Variants in CLYBL observed in about 807,000 individuals in gnomAD.
CLYBL encodes citramalyl-CoA lyase.
A neutral mutation model predicts 38.9 loss-of-function variants in CLYBL; 31 were observed. The ratio of observed to expected loss-of-function variants is 0.80; its 90% CI spans 0.60 to 1.08. The LOEUF is 1.08. Ranked by LOEUF, CLYBL falls within the 50% of genes least tolerant of loss-of-function variation. The pLI is 0.00. For synonymous variants in CLYBL, 171 were observed against 158.6 expected (o/e 1.08, Z -0.59); for missense variants, 434 against 411.6 (o/e 1.05, Z -0.47).
chr13:99,908,713 G>A (rs2052721477), exon 10 of CLYBL, among the ~76,000 whole-genome samples: 1 of 152,180 alleles, frequency 6.6e-6, no homozygotes, highest in South Asian at 2.1e-4. Context: ...CCAATTTAAA[G>A]AATATCAACA....
At chr13:99,813,074 A>G (rs992438990) in intron 2 of CLYBL, among the ~76,000 whole-genome samples, 1 of 152,220 alleles carries the variant, frequency 6.6e-6, no homozygotes, top group Non-Finnish European at 1.5e-5. Flanking sequence ...TGGAATAGTT[A>G]GAAACACCAT....
intron 1 of CLYBL, among the ~76,000 whole-genome samples, chr13:99,637,832 G>A (rs1275331287): frequency 2.6e-5 from 4 of 151,982 alleles, no homozygotes; most frequent in African/African-American, 9.7e-5. Flanking sequence ...GTGTGTATCC[G>A]TATACATACA....
At chr13:99,720,464 C>T (rs969684076) in intron 1 of CLYBL, among the ~76,000 whole-genome samples, 2 of 152,272 alleles carry the variant, frequency 1.3e-5, no homozygotes, top group African/African-American at 4.8e-5. Flanking sequence ...TTACTCTCTG[C>T]TCACCATCGC....
intron 2 of CLYBL, among the ~76,000 whole-genome samples, chr13:99,839,381 C>T (rs1462467847): frequency 6.6e-6 from 1 of 152,224 alleles, no homozygotes; most frequent in Non-Finnish European, 1.5e-5. Flanking sequence ...TGTGTTTACA[C>T]AGAAACAGAT....
At chr13:99,893,617 G>A (rs1246004901), downstream of CLYBL, 1 of 152,382 alleles carries the variant, frequency 6.6e-6, no homozygotes, top group East Asian at 1.9e-4. Flanking sequence ...ATCCAAAGAA[G>A]CCCTTGGCTT....
chr13:99,767,029 C>T (rs558601653), intron 1 of CLYBL, among the ~76,000 whole-genome samples: 2 of 152,288 alleles, frequency 1.3e-5, no homozygotes, highest in South Asian at 4.2e-4. Flanking sequence ...GCGATGCTTC[C>T]CATGGATTAA....
Position 99,793,929 on chromosome 13 carries a change from A to G in CLYBL, c.249+20919A>G, listed in dbSNP as rs540204533. Among the ~76,000 whole-genome samples, 81 of 152,234 alleles carry G rather than the reference A, an allele frequency of 5.3e-4. 1 individual carries two copies. The highest frequency in any genetic ancestry group is 9.4e-4 in the Non-Finnish European group (64 of 68,008). On this transcript the variant is annotated intron_variant, in intron 2 of 8. Coordinates refer to ENST00000339105, the MANE Select transcript of CLYBL (RefSeq NM_206808.5). ...AAGAAAATGCAGCTTAAATGATTCA[A>G]AGCTTTATAAATGTGGAAACTGCAT...
At chr13:99,755,832 G>C (rs2049053353) in intron 1 of CLYBL, among the ~76,000 whole-genome samples, 2 of 152,154 alleles carry the variant, frequency 1.3e-5, no homozygotes, top group South Asian at 4.1e-4. Context: ...GAGTAGACCA[G>C]GCAGAACCTT....
chr13:99,649,377 G>T (rs889038619), intron 1 of CLYBL, among the ~76,000 whole-genome samples: 11 of 152,154 alleles, frequency 7.2e-5, no homozygotes, highest in Non-Finnish European at 1.3e-4. Context: ...TCATATACTG[G>T]TGCAGGTGCA....
chr13:99,860,401 G>A lies in CLYBL; in HGVS notation c.438+1352G>A, dbSNP rs546040270. Among the ~76,000 whole-genome samples the A allele has an allele frequency of 6.0e-4, 91 of 152,168 alleles. 1 individual carries two copies. In the South Asian group the frequency reaches 8.7e-3, roughly 15 times the overall value. ...AGCTCTGTGTTGGATCCTTCTTGAA[G>A]ACCCGTATTCAAGGACCAGTTATTT... On this transcript the variant is annotated intron_variant, in intron 3 of 8. Transcript: ENST00000339105.
At chr13:99,679,293 CA>C (rs748632092) in intron 1 of CLYBL, among the ~76,000 whole-genome samples, 59 of 35,800 alleles carry the variant, frequency 1.6e-3, no homozygotes, top group Middle Eastern at 9.8e-3. Context: ...GACTCCGACT[CA>C]AAAAAAAAAA....
intron 1 of CLYBL, among the ~76,000 whole-genome samples, chr13:99,756,657 A>G (rs1275266519): frequency 6.6e-6 from 1 of 152,120 alleles, no homozygotes; most frequent in Non-Finnish European, 1.5e-5. Flanking sequence ...AGTGTATTTT[A>G]TGTGGAGCCA....
chr13:99,832,692 A>G (rs2050829471), intron 2 of CLYBL, among the ~76,000 whole-genome samples: 1 of 152,088 alleles, frequency 6.6e-6, no homozygotes, highest in Non-Finnish European at 1.5e-5. Context: ...CTGGCCATTT[A>G]CCACTTGTCA....
chr13:99,730,404 C>T (rs561620141), intron 1 of CLYBL, among the ~76,000 whole-genome samples: 8 of 152,318 alleles, frequency 5.3e-5, no homozygotes, highest in African/African-American at 1.4e-4. Context: ...GTGGCTGGAG[C>T]GAGTCACGGG....
At chr13:99,820,120 G>A (rs931264540) in intron 2 of CLYBL, among the ~76,000 whole-genome samples, 1 of 152,120 alleles carries the variant, frequency 6.6e-6, no homozygotes, top group African/African-American at 2.4e-5. Flanking sequence ...GCTGTGTCTC[G>A]CGGAGGCTGC....
chr13:99,650,810 C>T (rs148273626), intron 1 of CLYBL, among the ~76,000 whole-genome samples: 245 of 152,278 alleles, frequency 1.6e-3, no homozygotes, highest in African/African-American at 5.7e-3. Context: ...TGAACACAGA[C>T]GTCATTGCGC....
chr13:99,793,442 A>G (rs2049959438), intron 2 of CLYBL, among the ~76,000 whole-genome samples: 1 of 152,316 alleles, frequency 6.6e-6, no homozygotes, highest in South Asian at 2.1e-4. Context: ...GAACTCTGCA[A>G]GGTCTTTTTG....
downstream of CLYBL, among the ~76,000 whole-genome samples, chr13:99,901,637 ATTTTTTTGTTT>A (rs1230626720): frequency 7.6e-5 from 5 of 65,530 alleles, no homozygotes; most frequent in African/African-American, 2.8e-4. Context: ...GGTTTTTTGG[ATTTTTTTGTTT>A]TTTTTTTTTG....
intron 1 of CLYBL, among the ~76,000 whole-genome samples, chr13:99,767,777 G>T (rs1454375704): frequency 1.3e-5 from 2 of 152,140 alleles, no homozygotes; most frequent in East Asian, 3.9e-4. Context: ...GTACTTTTCA[G>T]TTCTGGGGTT....
Sources: gnomAD v4.1 joint callset for allele counts (sites outside exome capture counted in the v4.1 genomes callset) on GRCh38, gnomAD v4.1.1 for gene constraint, MANE v1.5 for transcripts, NCBI Gene and HGNC (gene_info 2026-07-23, HGNC 2026-07-21) for gene names.